Variants in DLG2 observed in about 807,000 individuals in gnomAD.
DLG2 encodes the protein disks large homolog 2.
Under a neutral mutation model 132.5 loss-of-function variants are expected in DLG2, and 45 were observed. That is an observed-to-expected ratio of 0.34 (90% CI 0.27 to 0.44). The LOEUF is 0.44. DLG2 is among the 20% of genes least tolerant of loss of function. The pLI is 1.00. For synonymous variants in DLG2, 424 were observed against 419.6 expected, an observed-to-expected ratio of 1.01 and a Z score of -0.13; for missense variants, 1,045 against 1,196.9, an observed-to-expected ratio of 0.87 and a Z score of 1.87.
chr11:85,357,729 T>G (rs1253201812), intron 3 of DLG2, among the ~76,000 whole-genome samples: 1 of 3,840 alleles, frequency 2.6e-4, no homozygotes, highest in African/African-American at 1.1e-3. Context: ...TATATATATA[T>G]ATATATATAT....
At chr11:85,109,067 A>C (rs2072281970) in intron 6 of DLG2, among the ~76,000 whole-genome samples, 1 of 152,022 alleles carries the variant, frequency 6.6e-6, no homozygotes, top group African/African-American at 2.4e-5. Flanking sequence ...CAGGAAAAAA[A>C]AATTCAACTG....
In DLG2 at chr11:84,953,357, T is replaced by A. The variant is rs150942279; in HGVS notation, c.357+158304A>T. Among the ~76,000 whole-genome samples, 21 of 152,320 alleles carry A rather than the reference T, an allele frequency of 1.4e-4. No individual in the cohort carries two copies. The East Asian group carries it at 4.1e-3, about 29-fold the overall frequency. On this transcript the variant is annotated intron_variant, in intron 6 of 27. Coordinates refer to ENST00000376104, the MANE Select transcript of DLG2 (RefSeq NM_001142699.3). ...CCCGGATGTGCAATTGATTCTCATA[T>A]TTCTATTTTTTCATAGTAATTGTCT... is the stretch of plus-strand genomic sequence containing the variant.
intron 6 of DLG2, among the ~76,000 whole-genome samples, chr11:84,719,876 G>C (rs545596718): frequency 1.3e-5 from 2 of 151,816 alleles, no homozygotes; most frequent in South Asian, 4.2e-4. Flanking sequence ...AGAGTTCATC[G>C]ACCACCCCAC....
chr11:84,399,661 C>G (rs2098822857), intron 7 of DLG2, among the ~76,000 whole-genome samples: 1 of 152,176 alleles, frequency 6.6e-6, no homozygotes, highest in African/African-American at 2.4e-5. Flanking sequence ...GGGTTATCCA[C>G]CCATCTCAGC....
At chr11:83,922,303 A>C (rs1459820195) in intron 15 of DLG2, among the ~76,000 whole-genome samples, 5 of 152,086 alleles carry the variant, frequency 3.3e-5, no homozygotes, top group Non-Finnish European at 7.4e-5. Flanking sequence ...ATAAAACCAA[A>C]TGTAGCAAGA....
intron 6 of DLG2, among the ~76,000 whole-genome samples, chr11:85,083,780 G>C (rs1228035999): frequency 6.6e-6 from 1 of 152,142 alleles, no homozygotes; most frequent in Non-Finnish European, 1.5e-5. Flanking sequence ...GAAGCCTTCA[G>C]GTAACAGGCC....
At chr11:83,532,158 CTT>C (rs1796674683) in intron 21 of DLG2, among the ~76,000 whole-genome samples, 1 of 151,988 alleles carries the variant, frequency 6.6e-6, no homozygotes, top group Non-Finnish European at 1.5e-5. Flanking sequence ...CAAATTTTAT[CTT>C]ATAAAGCTAT....
intron 6 of DLG2, among the ~76,000 whole-genome samples, chr11:85,079,021 TAG>T (rs1022271700): frequency 3.4e-4 from 43 of 126,096 alleles, no homozygotes; most frequent in South Asian, 2.5e-3. Flanking sequence ...TTATGTGTTT[TAG>T]GGGGGGGGTC....
intron 9 of DLG2, among the ~76,000 whole-genome samples, chr11:84,119,549 G>C (rs2093804470): frequency 6.6e-6 from 1 of 151,724 alleles, no homozygotes; most frequent in African/African-American, 2.4e-5. Context: ...CAGTAAATAA[G>C]GGTTGTGTTT....
At chr11:85,319,046 T>G (rs867372199) in intron 3 of DLG2, among the ~76,000 whole-genome samples, 1 of 151,934 alleles carries the variant, frequency 6.6e-6, no homozygotes, top group African/African-American at 2.4e-5. Context: ...TAGTTGCATT[T>G]AAATTTTTAA....
At chr11:85,433,182 A>C (rs2091287294) in intron 3 of DLG2, among the ~76,000 whole-genome samples, 1 of 152,228 alleles carries the variant, frequency 6.6e-6, no homozygotes, top group Non-Finnish European at 1.5e-5. Flanking sequence ...AAATATGGAA[A>C]GGAAAAATCA....
chr11:83,587,999 G>A (rs947890323), intron 19 of DLG2, among the ~76,000 whole-genome samples: 33 of 152,262 alleles, frequency 2.2e-4, no homozygotes, highest in African/African-American at 6.5e-4. Context: ...CTAAGCCCAC[G>A]GAGTCGCCTA....
intron 9 of DLG2, among the ~76,000 whole-genome samples, chr11:84,130,534 G>GT (rs764515483): frequency 9.0e-5 from 11 of 121,560 alleles, no homozygotes; most frequent in Non-Finnish European, 1.6e-4. Flanking sequence ...ATATATGTGT[G>GT]TGTGTATATA....
intron 6 of DLG2, among the ~76,000 whole-genome samples, chr11:84,901,983 A>G (rs2090945924): frequency 6.6e-6 from 1 of 152,172 alleles, no homozygotes; most frequent in Non-Finnish European, 1.5e-5. Flanking sequence ...CATATAGGTT[A>G]TAATAAGAAA....
chr11:83,510,460 T>C (rs545108928), intron 21 of DLG2, among the ~76,000 whole-genome samples: 5 of 152,304 alleles, frequency 3.3e-5, no homozygotes, highest in African/African-American at 1.2e-4. Context: ...TGAATAATTC[T>C]CACTTCTTCC....
At chr11:85,604,801 G>A (rs1028619091) in intron 2 of DLG2, among the ~76,000 whole-genome samples, 5 of 152,104 alleles carry the variant, frequency 3.3e-5, no homozygotes, top group African/African-American at 9.7e-5. Flanking sequence ...TGTTAATTAA[G>A]GTTCAACTCT....
intron 10 of DLG2, among the ~76,000 whole-genome samples, chr11:84,098,271 T>C (rs1317165354): frequency 6.6e-6 from 1 of 152,108 alleles, no homozygotes; most frequent in East Asian, 1.9e-4. Context: ...ACTCCTGACC[T>C]CAAGTGATCC....
intron 7 of DLG2, among the ~76,000 whole-genome samples, chr11:84,443,033 T>G (rs552254322): frequency 6.6e-6 from 1 of 152,170 alleles, no homozygotes; most frequent in African/African-American, 2.4e-5. Flanking sequence ...AATACCCAGT[T>G]ATAGATAAGT....
chr11:85,519,471 C>A (rs2074103516), intron 3 of DLG2, among the ~76,000 whole-genome samples: 1 of 152,164 alleles, frequency 6.6e-6, no homozygotes, highest in Non-Finnish European at 1.5e-5. Flanking sequence ...CCAATGTCTC[C>A]TATTTGGAAT....
Sources: gnomAD v4.1 joint callset for allele counts (sites outside exome capture counted in the v4.1 genomes callset) on GRCh38, gnomAD v4.1.1 for gene constraint, MANE v1.5 for transcripts, NCBI Gene and HGNC (gene_info 2026-07-23, HGNC 2026-07-21) for gene names.